Variants in ZNF667 observed in about 807,000 individuals in gnomAD.
The protein encoded by ZNF667 is myocardial ischemic preconditioning upregulated 1 ortholog.
In ZNF667, 13 loss-of-function variants were observed where a neutral mutation model predicts 31.8. The observed-to-expected ratio is 0.41, with a 90% CI of 0.27 to 0.65. The LOEUF is 0.65. Ranked by LOEUF, ZNF667 falls within the 30% of genes least tolerant of loss-of-function variation. The pLI is 0.32. For missense variants in ZNF667, 642 were observed against 725.6 expected, an observed-to-expected ratio of 0.88 and a Z score of 1.32; for synonymous variants, 228 against 247.1, an observed-to-expected ratio of 0.92 and a Z score of 0.73.
intron 3 of ZNF667, among the ~76,000 whole-genome samples, chr19:56,462,911 C>T (rs937679850): frequency 1.3e-5 from 2 of 152,152 alleles, no homozygotes; most frequent in Non-Finnish European, 2.9e-5. Flanking sequence ...GGGAAGGTGT[C>T]TCTGAGGAGG....
chr19:56,460,938 A>C, intron 4 of ZNF667, 123 bp from the exon 5 acceptor site: 1 of 939,656 alleles, frequency 1.1e-6, no homozygotes, highest in Non-Finnish European at 1.5e-6. Context: ...GGAAGCATTC[A>C]GGGTTCTGAG....
chr19:56,464,774 T>C (rs1374821828), intron 3 of ZNF667, among the ~76,000 whole-genome samples: 3 of 152,160 alleles, frequency 2.0e-5, no homozygotes, highest in Non-Finnish European at 2.9e-5. Context: ...CTTTGTTTTG[T>C]TCACCGCTCT....
In ZNF667 at chr19:56,442,495, G is replaced by A. The variant is rs754470431; in HGVS notation, c.500C>T (p.Thr167Ile). 2.5e-5 allele frequency: 40 copies of A among 1,613,344 alleles called. No homozygotes were observed. Among genetic ancestry groups the A allele is most frequent in the South Asian group, 1.6e-4 (15 of 91,036 alleles). Residue 167 changes from threonine to isoleucine, a missense_variant, in exon 7 of 7, where the codon ACA becomes ATA. Physicochemically the swap from Thr to Ile is moderately conservative, Grantham distance 89 (BLOSUM62 -1). Transcript: ENST00000504904. The part of the protein sequence containing the change: ...FSLKLHQNIH[T>I]GEKPFECSNC... ...ACTGCATTCAAAAGGCTTCTCTCCT[G>A]TATGAATGTTCTGATGAAGTTTAAG...
intron 3 of ZNF667, 40 bp from the exon 4 acceptor site, chr19:56,462,469 C>T: frequency 7.5e-7 from 1 of 1,336,574 alleles, no homozygotes; most frequent in Non-Finnish European, 1.1e-6. Context: ...TGCCAGAGTC[C>T]ACAGGCCCCT....
chr19:56,460,344 G>A (rs1438094951), intron 5 of ZNF667, among the ~76,000 whole-genome samples: 1 of 152,202 alleles, frequency 6.6e-6, no homozygotes, highest in Non-Finnish European at 1.5e-5. Flanking sequence ...AAGGCCCAGA[G>A]CAGGCACAAC....
chr19:56,460,871 G>T, intron 4 of ZNF667, 56 bp from the exon 5 acceptor site: 4 of 1,509,598 alleles, frequency 2.6e-6, no homozygotes, highest in Non-Finnish European at 3.5e-6. Flanking sequence ...CACATGGCTG[G>T]AGGAAATGGT....
intron 6 of ZNF667, among the ~76,000 whole-genome samples, chr19:56,442,975 G>A (rs890329235): frequency 5.3e-5 from 8 of 152,062 alleles, no homozygotes; most frequent in East Asian, 1.9e-4. Flanking sequence ...TTATTTATAC[G>A]ATAACTTTTA....
chr19:56,462,150 C>T (rs1281723437), intron 4 of ZNF667, among the ~76,000 whole-genome samples, 188 bp downstream of exon 4: 7 of 152,228 alleles, frequency 4.6e-5, no homozygotes, highest in Non-Finnish European at 8.8e-5. Flanking sequence ...GAGAGAGGCT[C>T]GCTGAGCAGT....
In ZNF667 at chr19:56,441,501, G is replaced by A; in HGVS notation, c.1494C>T (p.Pro498=). 1.2e-6 allele frequency: 2 copies of A among 1,614,206 alleles called. No individual in the cohort carries two copies. Among genetic ancestry groups the A allele is most frequent in the Non-Finnish European group, 1.7e-6 (2 of 1,180,026 alleles). The change falls in exon 7 of 7, where the codon CCC becomes CCT. Residue 498 remains proline, a synonymous_variant. Coordinates refer to ENST00000504904, the MANE Select transcript of ZNF667 (RefSeq NM_001321356.2). The surrounding 1 kb of genome is among the most constrained non-coding windows in gnomAD (Gnocchi z 4.2). ...CCTTCCCACACTGATCACATTCATA[G>A]GGTCTATCTTCAGTATGAATTCTCT... ...RHKRIHTEDR[P]YECDQCGKAF... is the part of the protein sequence containing the mutation.
intron 3 of ZNF667, among the ~76,000 whole-genome samples, chr19:56,466,242 G>A (rs1315454379): frequency 2.0e-5 from 3 of 152,202 alleles, no homozygotes; most frequent in African/African-American, 7.2e-5. Flanking sequence ...CATTAGCTGT[G>A]AGCATGACTA....
In ZNF667 at chr19:56,440,510, A is replaced by G. The variant is rs955405349; in HGVS notation, c.*652T>C. ...TATTTGATAATTCTAGATCTGAGAA[A>G]CAGACTCAAATTCTTTTTTCTGTGA... On this transcript the variant is annotated 3_prime_UTR_variant, in exon 7 of 7. Transcript: ENST00000504904. 1.6e-5 allele frequency: 13 copies of G among 833,642 alleles called. No individual in the cohort carries two copies. The African/African-American group carries it at 2.2e-4, about 14-fold the overall frequency. 51.6% of individuals were successfully genotyped at this position (833,642 alleles called of 1,614,324 possible). A position where few individuals can be genotyped will look rare whatever the true frequency, so the allele number is the denominator to read the frequency against.
intron 3 of ZNF667, among the ~76,000 whole-genome samples, chr19:56,471,126 G>A (rs1423133817): frequency 1.3e-5 from 2 of 151,964 alleles, no homozygotes; most frequent in South Asian, 2.1e-4. Context: ...GAGTTCTCAC[G>A]AGATCCAGTT....
chr19:56,464,880 C>T (rs1403268444), intron 3 of ZNF667, among the ~76,000 whole-genome samples: 2 of 152,208 alleles, frequency 1.3e-5, no homozygotes, highest in Non-Finnish European at 2.9e-5. Flanking sequence ...GAAACCCCAT[C>T]CCAGAGACAC....
intron 6 of ZNF667, among the ~76,000 whole-genome samples, chr19:56,451,368 A>G (rs1192710143): frequency 3.3e-5 from 5 of 152,166 alleles, no homozygotes; most frequent in African/African-American, 7.2e-5. Context: ...CCACAATACA[A>G]TAATTGTTGG....
intron 3 of ZNF667, chr19:56,469,946 G>A (rs751986914): frequency 3.0e-5 from 15 of 493,436 alleles, no homozygotes; most frequent in Non-Finnish European, 2.8e-5. Flanking sequence ...TGCTTCACAT[G>A]TATCAGGTGC....
intron 3 of ZNF667, 102 bp from the exon 4 acceptor site, chr19:56,462,531 G>A (rs11670383): frequency 0.017 from 13,025 of 746,478 alleles, 346 homozygotes; most frequent in African/African-American, 0.096. Context: ...ACATATGCAC[G>A]TGCACACACA....
intron 6 of ZNF667, among the ~76,000 whole-genome samples, chr19:56,457,307 T>A (rs2042954168): frequency 6.6e-6 from 1 of 152,114 alleles, no homozygotes; most frequent in Non-Finnish European, 1.5e-5. Context: ...GTCTACACCT[T>A]CTCTGAAAGG....
chr19:56,460,017 A>C (rs1600435023), intron 5 of ZNF667, among the ~76,000 whole-genome samples: 1 of 152,166 alleles, frequency 6.6e-6, no homozygotes, highest in South Asian at 2.1e-4. Context: ...ATACCAAAAG[A>C]ATTCAAGAGT....
At chr19:56,470,134 G>A (rs2043259126) in intron 3 of ZNF667, 4 of 423,636 alleles carry the variant, frequency 9.4e-6, no homozygotes, top group African/African-American at 2.0e-5. Context: ...TGCAAAGGGA[G>A]GACAAAGGGC....
Sources: gnomAD v4.1 joint callset for allele counts (sites outside exome capture counted in the v4.1 genomes callset) on GRCh38, gnomAD v4.1.1 for gene constraint, Gnocchi (gnomAD v3.1) non-coding constraint, MANE v1.5 for transcripts, NCBI Gene and HGNC (gene_info 2026-07-23, HGNC 2026-07-21) for gene names.